Variants in SSTR3 observed in about 807,000 individuals in gnomAD.
SSTR3 encodes somatostatin receptor type 3.
For synonymous variants in SSTR3, 281 were observed against 269.2 expected, an observed-to-expected ratio of 1.04 and a Z score of -0.43; for missense variants, 504 against 604.7, an observed-to-expected ratio of 0.83 and a Z score of 1.75.
In SSTR3 at chr22:37,211,047, C is replaced by T. The variant is rs530744642; in HGVS notation, c.-37+778G>A. 9 of 902,168 alleles carry T rather than the reference C, an allele frequency of 1.0e-5. No homozygotes were observed. In the African/African-American group the frequency reaches 1.6e-4, roughly 16 times the overall value. The allele number at this position is 902,168 out of a possible 1,614,324, so 55.9% of individuals were successfully genotyped here. On this transcript the variant is annotated intron_variant, in intron 1 of 1. Transcript: ENST00000610913. ...AGGCTCAGAGAGGTTGAGTAAGCTG[C>T]AAAGGGTCACCCAGCTGGAGAGTGG...
At chr22:37,214,532 T>TC (rs1339568135), upstream of SSTR3, among the ~76,000 whole-genome samples, 6 of 152,220 alleles carry the variant, frequency 3.9e-5, no homozygotes, top group South Asian at 1.2e-3. Context: ...GCGGGGGGGC[T>TC]CCCTTGTACA....
chr22:37,207,452 G>A lies in SSTR3; in HGVS notation c.352C>T (p.Leu118=). 6.2e-7 allele frequency: 1 copy of A among 1,613,686 alleles called. No homozygotes were observed. Among genetic ancestry groups the A allele is most frequent in the South Asian group, 1.1e-5 (1 of 91,082 alleles). ...YWPFGSLMCR[L]VMAVDGINQF... ...TTGATGCCATCCACCGCCATGACCAGGCGGCACATGAGGGAGCCGAAGGGC... is the reference window on the plus strand; with the variant it reads ...TTGATGCCATCCACCGCCATGACCAAGCGGCACATGAGGGAGCCGAAGGGC... The change falls in exon 2 of 2, where the codon CTG becomes TTG. Residue 118 remains leucine (L), a synonymous_variant. Transcript: ENST00000610913.
chr22:37,210,479 CAA>C, intron 1 of SSTR3: 1 of 979,976 alleles, frequency 1.0e-6, no homozygotes. Flanking sequence ...TCTTCCCTGT[CAA>C]AGTTTGAGGG....
rs762904798 is a variant in SSTR3 at position 37,207,627 on chromosome 22, C to G, written c.177G>C (p.Leu59=). The change falls in exon 2 of 2, where the codon CTG becomes CTC. Residue 59 remains leucine, a synonymous_variant. Transcript: ENST00000610913. ...CATAGATGACCAGCGAGTTACCCAGCAGGCCCACCACGCACACCACCAGGT... is the reference window on the plus strand; with the variant it reads ...CATAGATGACCAGCGAGTTACCCAGGAGGCCCACCACGCACACCACCAGGT... The part of the protein sequence containing the change: ...LVYLVVCVVG[L]LGNSLVIYVV... 1.2e-6 allele frequency: 2 copies of G among 1,602,624 alleles called. No individual in the cohort carries two copies. Among genetic ancestry groups the G allele is most frequent in the East Asian group, 4.5e-5 (2 of 44,652 alleles).
upstream of SSTR3, among the ~76,000 whole-genome samples, chr22:37,216,876 C>T (rs746871792): frequency 7.9e-5 from 12 of 152,206 alleles, no homozygotes; most frequent in Admixed American, 4.6e-4. Context: ...TCTCGGCTCA[C>T]TGCCACCTCT....
intron 1 of SSTR3, chr22:37,210,821 T>C (rs1252895341): frequency 1.0e-6 from 1 of 985,396 alleles, no homozygotes; most frequent in Non-Finnish European, 1.2e-6. Flanking sequence ...CACTGGCTCT[T>C]GAAGGCAGGG....
chr22:37,205,001 G>A lies in SSTR3; in HGVS notation c.*1546C>T, dbSNP rs33939988. 4,942 of 152,420 alleles carry A rather than the reference G, an allele frequency of 0.032. 118 individuals are homozygous for A. The highest frequency in any genetic ancestry group is 0.049 in the Non-Finnish European group (3,316 of 68,134). 9.4% of individuals were successfully genotyped at this position (152,420 alleles called of 1,614,324 possible). On this transcript the variant is annotated 3_prime_UTR_variant, in exon 2 of 2. Transcript: ENST00000610913. Reference sequence around the variant, plus strand: ...AGCTCTGAGGGACCATCTCTGGGAGGGAGTCTAGGCCCAGCCTTGGATGGT... The same window carrying A: ...AGCTCTGAGGGACCATCTCTGGGAGAGAGTCTAGGCCCAGCCTTGGATGGT...
upstream of SSTR3, chr22:37,215,776 GGAGCT>G (rs749516239): frequency 8.3e-4 from 233 of 282,268 alleles, no homozygotes; most frequent in Non-Finnish European, 7.7e-4. Context: ...ATCTCCTTTT[GGAGCT>G]GTACCTGATG....
At chr22:37,213,253 C>T (rs1926293569), upstream of SSTR3, among the ~76,000 whole-genome samples, 1 of 152,226 alleles carries the variant, frequency 6.6e-6, no homozygotes, top group Admixed American at 6.5e-5. Flanking sequence ...CTCTGCCGTA[C>T]AGTCCTGAGC....
intron 1 of SSTR3, among the ~76,000 whole-genome samples, chr22:37,210,186 G>A (rs1429306341): frequency 6.6e-6 from 1 of 152,222 alleles, no homozygotes; most frequent in South Asian, 2.1e-4. Flanking sequence ...GGAGCACCAG[G>A]CTCCTGAGAG....
At position 37,206,877 on chromosome 22, in the gene SSTR3, G is replaced by A. The variant is rs1925813860; in HGVS notation, c.927C>T (p.Asn309=). 1.9e-6 allele frequency: 3 copies of A among 1,613,454 alleles called. No homozygotes were observed. Among genetic ancestry groups the A allele is most frequent in the Admixed American group, 1.7e-5 (1 of 60,012 alleles). The change falls in exon 2 of 2, where the codon AAC becomes AAT. Residue 309 remains asparagine, a synonymous_variant. Transcript: ENST00000610913. ...VALPYANSCA[N]PILYGFLSYR... is the part of the protein sequence containing the mutation. ...AGGAGAGGAAGCCATAAAGGATGGG[G>A]TTGGCACAGCTGTTGGCATAGGGCA...
In SSTR3 at chr22:37,207,009, G is replaced by A. The variant is rs1407576075; in HGVS notation, c.795C>T (p.Leu265=). Residue 265 remains leucine, a synonymous_variant, in exon 2 of 2, where the codon CTC becomes CTT. Coordinates refer to ENST00000610913, the MANE Select transcript of SSTR3 (RefSeq NM_001051.5). ...VTRMVVAVVA[L]FVLCWMPFYV... ...AGAAGGGCATCCAGCAGAGCACGAA[G>A]AGCGCCACCACGGCCACCACCATGC... 1.9e-6 allele frequency: 3 copies of A among 1,612,150 alleles called. No individual in the cohort carries two copies. Among genetic ancestry groups the A allele is most frequent in the Non-Finnish European group, 2.5e-6 (3 of 1,179,278 alleles).
intron 1 of SSTR3, chr22:37,210,820 T>C (rs1482854307): frequency 7.1e-6 from 7 of 985,408 alleles, no homozygotes; most frequent in Non-Finnish European, 8.4e-6. Flanking sequence ...ACACTGGCTC[T>C]TGAAGGCAGG....
upstream of SSTR3, among the ~76,000 whole-genome samples, chr22:37,214,617 C>A (rs539944107): frequency 6.6e-6 from 1 of 152,228 alleles, no homozygotes; most frequent in East Asian, 1.9e-4. Flanking sequence ...CAGCCAGAGA[C>A]CCTAAGACAG....
At position 37,212,232 on chromosome 22, in the gene SSTR3, AGGGG is replaced by A; in HGVS notation, c.-448_-445del. 2 of 666,780 alleles carry A rather than the reference AGGGG, an allele frequency of 3.0e-6. No individual in the cohort carries two copies. Among genetic ancestry groups the A allele is most frequent in the Non-Finnish European group, 3.7e-6 (2 of 541,920 alleles). The allele number at this position is 666,780 out of a possible 1,614,324, so 41.3% of individuals were successfully genotyped here. On this transcript the variant is annotated 5_prime_UTR_variant, in exon 1 of 2. It introduces an in-frame stop codon into an upstream open reading frame of the 5' UTR. Coordinates refer to ENST00000610913, the MANE Select transcript of SSTR3 (RefSeq NM_001051.5). Reference sequence around the variant, plus strand: ...GAAAGAGAGAGAGAGAGAAAGAGGGAGGGGGAGAGAGAGAGAGGGAGAGGGAGAG... The same window carrying A: ...GAAAGAGAGAGAGAGAGAAAGAGGGAGAGAGAGAGAGAGGGAGAGGGAGAG...
intron 1 of SSTR3, chr22:37,210,917 G>C (rs1039419698): frequency 8.1e-6 from 8 of 985,502 alleles, no homozygotes; most frequent in Non-Finnish European, 8.4e-6. Context: ...CGTTCAACAA[G>C]GAGAGCTCCA....
chr22:37,213,829 C>A (rs75535516), upstream of SSTR3, among the ~76,000 whole-genome samples: 4 of 152,238 alleles, frequency 2.6e-5, no homozygotes, highest in African/African-American at 9.6e-5. Context: ...CTGCCGCCTG[C>A]GCGGGCCTCC....
upstream of SSTR3, among the ~76,000 whole-genome samples, chr22:37,212,743 G>T (rs1319572616): frequency 6.6e-6 from 1 of 152,176 alleles, no homozygotes; most frequent in Non-Finnish European, 1.5e-5. Context: ...CAGCAGCTGT[G>T]TCCCAAGGCA....
At chr22:37,207,966 A>G in intron 1 of SSTR3, 127 bp from the exon 2 acceptor site, 4 of 1,340,680 alleles carry the variant, frequency 3.0e-6, no homozygotes, top group Non-Finnish European at 3.8e-6. Flanking sequence ...ATTTCAGAAG[A>G]TGGGAGGTGC....
Sources: gnomAD v4.1 joint callset for allele counts (sites outside exome capture counted in the v4.1 genomes callset) on GRCh38, gnomAD v4.1.1 for gene constraint, MANE v1.5 for transcripts, NCBI Gene and HGNC (gene_info 2026-07-23, HGNC 2026-07-21) for gene names.